The following DMD variants were observed in gnomAD, a reference collection of about 807,000 sequenced individuals.
The protein encoded by DMD is mutant dystrophin.
DMD carries 63 observed loss-of-function variants against 330.1 expected under a neutral mutation model. The ratio of observed to expected loss-of-function variants is 0.19; its 90% CI spans 0.16 to 0.24. The LOEUF (loss-of-function observed/expected upper bound fraction) is 0.24. Among genes scored for constraint, DMD ranks in the 10% least tolerant of loss-of-function variants. DMD has a pLI of 1.00. For missense variants in DMD, 3,344 were observed against 2,684.1 expected (o/e 1.25, Z -5.43); for synonymous variants, 1,223 against 959.8 (o/e 1.27, Z -5.07).
intron 47 of DMD, among the ~76,000 whole-genome samples, chrX:31,882,601 G>A (rs1362566566): frequency 8.9e-6 from 1 of 111,744 alleles, no homozygotes; most frequent in Non-Finnish European, 1.9e-5. Context: ...AGTTTAGGTT[G>A]GAAAAAGATA....
intron 43 of DMD, among the ~76,000 whole-genome samples, chrX:32,231,995 A>G (rs2097170758): frequency 8.9e-6 from 1 of 111,775 alleles, no homozygotes. Flanking sequence ...ACACACAAAT[A>G]TAGTATTATT....
chrX:32,639,805 G>A (rs762492678), intron 11 of DMD, among the ~76,000 whole-genome samples: 43 of 111,181 alleles, frequency 3.9e-4, no homozygotes, highest in Non-Finnish European at 7.0e-4. Flanking sequence ...TAATCATCCT[G>A]CTCATGCTCC....
intron 44 of DMD, among the ~76,000 whole-genome samples, chrX:32,111,309 G>A (rs1163320242): frequency 8.9e-6 from 1 of 111,964 alleles, no homozygotes; most frequent in Admixed American, 9.5e-5. Context: ...TTCTCCCAAA[G>A]AGAAATAGGC....
intron 9 of DMD, among the ~76,000 whole-genome samples, chrX:32,656,350 C>A: frequency 9.0e-6 from 1 of 111,461 alleles, no homozygotes; most frequent in East Asian, 2.8e-4. Context: ...ACTATGGATC[C>A]CTGAATGAGC....
At chrX:31,859,686 A>C (rs1458278740) in intron 48 of DMD, among the ~76,000 whole-genome samples, 1 of 112,584 alleles carries the variant, frequency 8.9e-6, no homozygotes, top group African/African-American at 3.2e-5. Context: ...CTTTGTGAAT[A>C]AACAGCTTCA....
chrX:32,468,615 G>C lies in DMD; in HGVS notation c.3045C>G (p.Ser1015Arg). 1 of 1,210,662 alleles carries C rather than the reference G, an allele frequency of 8.3e-7. No individual in the cohort carries two copies. The highest frequency in any genetic ancestry group is 1.1e-6 in the Non-Finnish European group (1 of 894,971). Reference sequence around the variant, plus strand: ...CTTCAAATTCTGATTGATATTTCCGGCTAATTTCAGAGGGCGCTTTCTTCG... The same window carrying C: ...CTTCAAATTCTGATTGATATTTCCGCCTAATTTCAGAGGGCGCTTTCTTCG... ...EMSKKAPSEISRKYQSEFEEI... is the reference protein window; with the variant it reads ...EMSKKAPSEIRRKYQSEFEEI... The change falls in exon 23 of 79, where the codon AGC becomes AGG. Residue 1015 changes from serine (S) to arginine (R), a missense_variant. Coordinates refer to ENST00000357033, the MANE Select transcript of DMD (RefSeq NM_004006.3).
At chrX:32,892,415 CAG>C (rs1242062505) in intron 2 of DMD, among the ~76,000 whole-genome samples, 1 of 112,112 alleles carries the variant, frequency 8.9e-6, no homozygotes, top group Non-Finnish European at 1.9e-5. Flanking sequence ...TTCTTTGAGA[CAG>C]AGTTCTACTC....
intron 2 of DMD, among the ~76,000 whole-genome samples, chrX:32,998,660 C>CAG (rs1569548012): frequency 1.8e-5 from 2 of 110,333 alleles, no homozygotes; most frequent in African/African-American, 6.6e-5. Context: ...TACACACACA[C>CAG]ACACAAATGC....
chrX:32,445,116 G>A (rs1231977593), intron 27 of DMD, among the ~76,000 whole-genome samples: 2 of 111,799 alleles, frequency 1.8e-5, no homozygotes, highest in African/African-American at 6.5e-5. Context: ...ACAAGCGTCA[G>A]CTTGAAATTC....
At chrX:32,957,364 T>C (rs1401020584) in intron 2 of DMD, among the ~76,000 whole-genome samples, 3 of 111,930 alleles carry the variant, frequency 2.7e-5, no homozygotes, top group Non-Finnish European at 3.8e-5. Flanking sequence ...AGGCATGTGA[T>C]AAACAGCAGG....
At chrX:32,811,745 T>TG (rs1196145978) in intron 6 of DMD, among the ~76,000 whole-genome samples, 1 of 111,941 alleles carries the variant, frequency 8.9e-6, no homozygotes, top group Non-Finnish European at 1.9e-5. Flanking sequence ...ACTCTAAATG[T>TG]GAAAAAACAC....
chrX:32,815,305 CAA>C (rs113244283), intron 6 of DMD, among the ~76,000 whole-genome samples: 2,193 of 69,433 alleles, frequency 0.032, 56 homozygotes, highest in African/African-American at 0.1. Flanking sequence ...GTAGAGTGGT[CAA>C]AAAAAAAAAA....
At chrX:31,810,555 G>A (rs982685256) in intron 50 of DMD, among the ~76,000 whole-genome samples, 41 of 111,981 alleles carry the variant, frequency 3.7e-4, no homozygotes, top group African/African-American at 1.3e-3. Flanking sequence ...AGAGTTGGCA[G>A]TTACGCTTCT....
chrX:32,909,641 C>T (rs1255944290), intron 2 of DMD, among the ~76,000 whole-genome samples: 1 of 111,128 alleles, frequency 9.0e-6, no homozygotes, highest in Non-Finnish European at 1.9e-5. Context: ...TGTAGAAATG[C>T]GTCCACAAAA....
At chrX:31,828,612 C>A (rs1332533623) in intron 49 of DMD, among the ~76,000 whole-genome samples, 1 of 97,643 alleles carries the variant, frequency 1.0e-5, no homozygotes, top group African/African-American at 3.8e-5. Context: ...TGCAGTGAGC[C>A]AAGATCATGC....
chrX:31,769,087 C>G (rs1358120992), intron 51 of DMD, among the ~76,000 whole-genome samples: 1 of 112,009 alleles, frequency 8.9e-6, no homozygotes, highest in Non-Finnish European at 1.9e-5. Flanking sequence ...GGACCATAAG[C>G]TTTTCACCAA....
At chrX:32,745,908 GAA>G (rs1189808262) in intron 7 of DMD, among the ~76,000 whole-genome samples, 1 of 111,717 alleles carries the variant, frequency 9.0e-6, no homozygotes, top group Non-Finnish European at 1.9e-5. Context: ...AATGTTTCAG[GAA>G]AAAGACAGCG....
chrX:32,739,526 G>A (rs899394202), intron 7 of DMD, among the ~76,000 whole-genome samples: 3 of 111,638 alleles, frequency 2.7e-5, no homozygotes, highest in Non-Finnish European at 5.6e-5. Flanking sequence ...TAGTTAGAAT[G>A]ATTTGGAAAA....
rs191751621 is a variant in DMD at position 32,744,510 on chromosome X, T to C, written c.650-45217A>G. On this transcript the variant is annotated intron_variant, in intron 7 of 78. Coordinates refer to ENST00000357033, the MANE Select transcript of DMD (RefSeq NM_004006.3). The stretch of plus-strand genomic sequence containing the variant: ...CTCCTTTTTAAGGTTCAGATTCATA[T>C]ACATGGTGGCCTAGTAGACATTTTA... 1.3e-3 allele frequency among the ~76,000 whole-genome samples: 141 copies of C among 111,472 alleles called. 1 individual carries two copies. Among genetic ancestry groups the C allele is most frequent in the African/African-American group, 4.4e-3 (135 of 30,749 alleles).
Sources: gnomAD v4.1 joint callset for allele counts (sites outside exome capture counted in the v4.1 genomes callset) on GRCh38, gnomAD v4.1.1 for gene constraint, MANE v1.5 for transcripts, NCBI Gene and HGNC (gene_info 2026-07-23, HGNC 2026-07-21) for gene names.